ZNF793: variants seen among roughly 807,000 people sequenced by gnomAD.
ZNF793 encodes the protein zinc finger protein 793.
In ZNF793, 5 loss-of-function variants were observed where a neutral mutation model predicts 12.4. The ratio of observed to expected loss-of-function variants is 0.40; its 90% CI spans 0.21 to 0.84. ZNF793 has a LOEUF of 0.84. Ranked by LOEUF, ZNF793 falls within the 40% of genes least tolerant of loss-of-function variation. ZNF793 has a pLI of 0.35. For missense variants in ZNF793, 456 were observed against 495.0 expected (o/e 0.92, Z 0.75); for synonymous variants, 162 against 172.4 (o/e 0.94, Z 0.47).
intron 7 of ZNF793, chr19:37,536,639 T>A (rs947780584): frequency 1.8e-5 from 8 of 442,128 alleles, no homozygotes; most frequent in Admixed American, 3.9e-5. Context: ...TCTGACTCCT[T>A]AAGAATAAGT....
At chr19:37,524,644 C>G (rs761572176) in intron 5 of ZNF793, among the ~76,000 whole-genome samples, 2 of 152,156 alleles carry the variant, frequency 1.3e-5, no homozygotes, top group Non-Finnish European at 2.9e-5. Flanking sequence ...TTTTCCAAGA[C>G]GCCTTCTTAG....
rs932636337 is a variant in ZNF793 at position 37,539,704 on chromosome 19, A to C, written c.*1825A>C. The C allele has an allele frequency of 1.1e-4, 16 of 152,214 alleles. No homozygotes were observed. Among genetic ancestry groups the C allele is most frequent in the African/African-American group, 3.6e-4 (15 of 41,452 alleles). The allele number at this position is 152,214 out of a possible 1,614,324, so 9.4% of individuals were successfully genotyped here. A position where few individuals can be genotyped will look rare whatever the true frequency, so the allele number is the denominator to read the frequency against. ...TCTAATCAACATATTTTTTAAAAAG[A>C]GGAGGTGGATGCTTTTCTAATAAAC... On this transcript the variant is annotated 3_prime_UTR_variant, in exon 8 of 8. Transcript: ENST00000627814.
chr19:37,531,548 C>T (rs1265786704), intron 5 of ZNF793, among the ~76,000 whole-genome samples: 5 of 152,144 alleles, frequency 3.3e-5, no homozygotes, highest in Admixed American at 6.6e-5. Flanking sequence ...CTAAAATCAC[C>T]GTTTTGCCCC....
At chr19:37,532,619 T>C in intron 6 of ZNF793, 137 bp downstream of exon 6, 2 of 896,246 alleles carry the variant, frequency 2.2e-6, no homozygotes, top group Non-Finnish European at 3.2e-6. Context: ...GAAACCTGCC[T>C]GGCCAGCATG....
rs772198314 is a variant in ZNF793 at position 37,537,844 on chromosome 19, A to G, written c.1186A>G (p.Arg396Gly). The part of the protein sequence containing the change: ...QKIHARKNAY[R>G]NENLIIVGNT ...AATTCATGCTCGGAAGAATGCCTAC[A>G]GGAATGAAAACTTAATAATTGTGGG... The change falls in exon 8 of 8, where the codon AGG (arginine) becomes GGG (glycine). Residue 396 changes from arginine to glycine, a missense_variant. Physicochemically the swap from Arg to Gly is moderately radical, Grantham distance 125. Coordinates refer to ENST00000627814, the MANE Select transcript of ZNF793 (RefSeq NM_001013659.3). 4 of 1,607,020 alleles carry G rather than the reference A, an allele frequency of 2.5e-6. No individual in the cohort carries two copies. Among genetic ancestry groups the G allele is most frequent in the Admixed American group, 3.4e-5 (2 of 59,308 alleles).
intron 5 of ZNF793, among the ~76,000 whole-genome samples, chr19:37,531,014 A>G (rs951248794): frequency 1.3e-5 from 2 of 152,164 alleles, no homozygotes; most frequent in Non-Finnish European, 2.9e-5. Flanking sequence ...TACAATATAT[A>G]TCTTACTTTT....
intron 6 of ZNF793, among the ~76,000 whole-genome samples, chr19:37,533,014 T>C (rs1302127505): frequency 1.3e-5 from 2 of 152,134 alleles, no homozygotes; most frequent in African/African-American, 2.4e-5. Context: ...GAAATTGAGG[T>C]ACAGAGAGGT....
chr19:37,530,323 A>T (rs972173428), intron 5 of ZNF793, among the ~76,000 whole-genome samples: 19 of 152,206 alleles, frequency 1.2e-4, no homozygotes, highest in Middle Eastern at 3.4e-3. Flanking sequence ...CCTTCCTCTT[A>T]TACTAATCCT....
rs369737171 is a variant in ZNF793, at chr19:37,537,911, ATTTTT to A, written c.*46_*50del. 5.9e-6 allele frequency: 8 copies of A among 1,357,178 alleles called. No individual in the cohort carries two copies. The highest frequency in any genetic ancestry group is 3.0e-5 in the Admixed American group (1 of 33,830). The allele number at this position is 1,357,178 out of a possible 1,614,324, so 84.1% of individuals were successfully genotyped here. On this transcript the variant is annotated 3_prime_UTR_variant, in exon 8 of 8. Transcript: ENST00000627814. ...TATCTGGTTTCATGGTATGTAGGGAATTTTTTTTTTTTTTTTTTGAGTTGGAATCT... is the reference window on the plus strand; with the variant it reads ...TATCTGGTTTCATGGTATGTAGGGAATTTTTTTTTTTTTGAGTTGGAATCT...
chr19:37,525,540 G>A (rs571323257), intron 5 of ZNF793, among the ~76,000 whole-genome samples: 2 of 140,796 alleles, frequency 1.4e-5, no homozygotes, highest in African/African-American at 2.7e-5. Flanking sequence ...TGGTTCAAGC[G>A]ATTCTCCTGC....
chr19:37,526,976 C>T (rs754324973), intron 5 of ZNF793, among the ~76,000 whole-genome samples: 3 of 152,154 alleles, frequency 2.0e-5, no homozygotes, highest in Non-Finnish European at 4.4e-5. Flanking sequence ...GAGATGTTGT[C>T]TCGCTCTGTC....
intron 5 of ZNF793, among the ~76,000 whole-genome samples, chr19:37,525,437 C>CTT (rs768958436): frequency 3.0e-4 from 36 of 119,632 alleles, no homozygotes; most frequent in African/African-American, 5.7e-4. Context: ...CGTGCCTGGC[C>CTT]TTTTTTTTTT....
At chr19:37,530,681 T>C (rs2042452794) in intron 5 of ZNF793, among the ~76,000 whole-genome samples, 2 of 152,170 alleles carry the variant, frequency 1.3e-5, no homozygotes, top group South Asian at 4.1e-4. Context: ...CAGAAGAATT[T>C]TTCTTAGTAC....
At position 37,537,612 on chromosome 19, in the gene ZNF793, A is replaced by G; in HGVS notation, c.954A>G (p.Lys318=). ...ERPFVCSECG[K]SFGEKSYLNV... is the part of the protein sequence containing the mutation. The stretch of plus-strand genomic sequence containing the variant: ...CCTTTGTCTGCAGTGAATGCGGGAA[A>G]TCGTTTGGTGAGAAGTCATACCTCA... The change falls in exon 8 of 8, where the codon AAA becomes AAG. Residue 318 remains lysine, a synonymous_variant. Transcript: ENST00000627814. 1 of 1,614,182 alleles carries G rather than the reference A, an allele frequency of 6.2e-7. No individual in the cohort carries two copies. Among genetic ancestry groups the G allele is most frequent in the Non-Finnish European group, 8.5e-7 (1 of 1,180,020 alleles).
rs1434856473 is a variant in ZNF793, at chr19:37,522,581, C to T, written c.-97C>T. On this transcript the variant is annotated 5_prime_UTR_variant, in exon 4 of 8. Transcript: ENST00000627814. ...CCTTTAGGTGACACATCCCTTTAGTCTCCTTTAATCAGGAGCAGTTTCTCA... is the reference window on the plus strand; with the variant it reads ...CCTTTAGGTGACACATCCCTTTAGTTTCCTTTAATCAGGAGCAGTTTCTCA... The T allele has an allele frequency of 6.6e-6, 1 of 152,164 alleles. No individual in the cohort carries two copies. Among genetic ancestry groups the T allele is most frequent in the African/African-American group, 2.4e-5 (1 of 41,442 alleles). 9.4% of individuals were successfully genotyped at this position (152,164 alleles called of 1,614,324 possible).
chr19:37,542,739 G>T lies in ZNF793; in HGVS notation c.*4860G>T. The T allele has an allele frequency of 5.9e-6, 1 of 168,728 alleles. No individual in the cohort carries two copies. Among genetic ancestry groups the T allele is most frequent in the Non-Finnish European group, 1.3e-5 (1 of 77,148 alleles). 10.5% of individuals were successfully genotyped at this position (168,728 alleles called of 1,614,324 possible). ...TCTCTTGAGTGAAAAATGCAAGGTA[G>T]ATATTAAGTATGTTAAATATGACTC... On this transcript the variant is annotated 3_prime_UTR_variant, in exon 8 of 8. Transcript: ENST00000627814.
rs750249758 is a variant in ZNF793, at chr19:37,524,022, T to C, written c.15+568T>C. ...AAAATTAGTTGGGCATGGTGGTGGGTGCCTGTAATCCCAGCTACTCGGGAG... is the reference window on the plus strand; with the variant it reads ...AAAATTAGTTGGGCATGGTGGTGGGCGCCTGTAATCCCAGCTACTCGGGAG... On this transcript the variant is annotated intron_variant, in intron 5 of 7. Transcript: ENST00000627814. 5.9e-5 allele frequency among the ~76,000 whole-genome samples: 9 copies of C among 151,868 alleles called. No homozygotes were observed. In the East Asian group the frequency reaches 1.2e-3, roughly 20 times the overall value.
chr19:37,513,481 C>T (rs2147061008), intron 2 of ZNF793, among the ~76,000 whole-genome samples: 1 of 152,272 alleles, frequency 6.6e-6, no homozygotes, highest in South Asian at 2.1e-4. Flanking sequence ...AGACCATACG[C>T]CAAAACTCAG....
At chr19:37,518,661 A>T (rs1024049585) in intron 2 of ZNF793, among the ~76,000 whole-genome samples, 2 of 150,394 alleles carry the variant, frequency 1.3e-5, no homozygotes, top group East Asian at 3.9e-4. Context: ...TTACCCAGGT[A>T]TGTTGGTGCA....
Sources: allele counts gnomAD v4.1 joint callset (sites outside exome capture counted in the v4.1 genomes callset), GRCh38; gene constraint gnomAD v4.1.1; transcripts MANE v1.5; gene names NCBI Gene and HGNC (gene_info 2026-07-23, HGNC 2026-07-21).